The following MCM8 variants were observed in gnomAD, a reference collection of about 807,000 sequenced individuals.
MCM8 encodes minichromosome maintenance 8 homologous recombination repair factor.
Under a neutral mutation model 98.9 loss-of-function variants are expected in MCM8, and 85 were observed. The ratio of observed to expected loss-of-function variants is 0.86; its 90% CI spans 0.72 to 1.03. MCM8 has a LOEUF of 1.03. MCM8 is among the 50% of genes least tolerant of loss of function. The pLI is 0.00. For missense variants in MCM8, 951 were observed against 997.8 expected (o/e 0.95, Z 0.63); for synonymous variants, 352 against 338.6 (o/e 1.04, Z -0.44).
intron 7 of MCM8, among the ~76,000 whole-genome samples, chr20:5,962,095 G>A (rs1231598473): frequency 6.6e-6 from 1 of 152,214 alleles, no homozygotes; most frequent in Non-Finnish European, 1.5e-5. Flanking sequence ...CTGGGGGCTG[G>A]CCAGGCATCT....
At chr20:5,976,440 G>T (rs541013607) in intron 12 of MCM8, among the ~76,000 whole-genome samples, 1 of 152,112 alleles carries the variant, frequency 6.6e-6, no homozygotes, top group South Asian at 2.1e-4. Context: ...TCTCAGCCCC[G>T]AGGAAGGGGC....
At chr20:5,972,064 A>G in intron 11 of MCM8, 27 bp downstream of exon 11, 1 of 1,581,238 alleles carries the variant, frequency 6.3e-7, no homozygotes, top group Non-Finnish European at 8.7e-7. Context: ...ATCTTTACTC[A>G]AAAAGTATAT....
intron 12 of MCM8, 43 bp from the exon 13 acceptor site, chr20:5,977,833 C>G: frequency 6.2e-7 from 1 of 1,605,198 alleles, no homozygotes; most frequent in Non-Finnish European, 8.5e-7. Context: ...CTATTACTTC[C>G]CTTTTACTTT....
intron 10 of MCM8, among the ~76,000 whole-genome samples, chr20:5,968,853 T>G (rs1001705666): frequency 6.6e-6 from 1 of 152,204 alleles, no homozygotes; most frequent in African/African-American, 2.4e-5. Context: ...GTGTTGCTCA[T>G]AGAGATTCAA....
chr20:5,990,268 G>T (rs1568600492), intron 17 of MCM8, among the ~76,000 whole-genome samples: 1 of 152,080 alleles, frequency 6.6e-6, no homozygotes, highest in Non-Finnish European at 1.5e-5. Flanking sequence ...GTAGAGACGG[G>T]GTTTTGCCAA....
At chr20:5,986,164 G>A in intron 16 of MCM8, 33 bp downstream of exon 16, 1 of 1,599,422 alleles carries the variant, frequency 6.3e-7, no homozygotes, top group Non-Finnish European at 8.6e-7. Context: ...GCTTTTTTTG[G>A]CTTAAAGGGG....
At position 5,981,387 on chromosome 20, in the gene MCM8, CAGGCTA is replaced by C. The variant is rs113307418; in HGVS notation, c.1538-1581_1538-1576del. Reference sequence around the variant, plus strand: ...AGAGCTCCACATTGAACAGCAGGAACAGGCTAATGCACTGGGATCCCCTGCCATGAA... The same window carrying C: ...AGAGCTCCACATTGAACAGCAGGAACATGCACTGGGATCCCCTGCCATGAA... On this transcript the variant is annotated intron_variant, in intron 13 of 18. Transcript: ENST00000610722. Among the ~76,000 whole-genome samples the C allele has an allele frequency of 0.014, 2,110 of 152,274 alleles. 153 individuals are homozygous for C. In the East Asian group the frequency reaches 0.23, roughly 17 times the overall value.
intron 12 of MCM8, among the ~76,000 whole-genome samples, chr20:5,974,614 C>A (rs114812873): frequency 1.5e-4 from 23 of 152,278 alleles, no homozygotes; most frequent in African/African-American, 4.8e-4. Flanking sequence ...CCACTGCAAG[C>A]CAATTGAGTT....
intron 8 of MCM8, among the ~76,000 whole-genome samples, chr20:5,966,602 A>G (rs2089279164): frequency 6.6e-6 from 1 of 152,190 alleles, no homozygotes; most frequent in African/African-American, 2.4e-5. Flanking sequence ...CTGATGAGGA[A>G]TGAGAAAGTA....
chr20:5,978,057 T>C (rs199995085), intron 13 of MCM8, 40 bp downstream of exon 13: 17 of 1,607,080 alleles, frequency 1.1e-5, no homozygotes, highest in Non-Finnish European at 1.4e-5. Flanking sequence ...TCTGGGACTT[T>C]TTGAAAAGCC....
At position 5,994,871 on chromosome 20, in the gene MCM8, T is replaced by TC. The variant is rs2089933018; in HGVS notation, c.*481dup. ...TTACAGTGAGCCACAATCACACCAATCACTGCACTCCAGCCTGGGCAATAA... is the reference window on the plus strand; with the variant it reads ...TTACAGTGAGCCACAATCACACCAATCCACTGCACTCCAGCCTGGGCAATAA... On this transcript the variant is annotated 3_prime_UTR_variant, in exon 19 of 19. Coordinates refer to ENST00000610722, the MANE Select transcript of MCM8 (RefSeq NM_032485.6). The TC allele has an allele frequency of 3.4e-6, 1 of 293,756 alleles. No homozygotes were observed. Among genetic ancestry groups the TC allele is most frequent in the African/African-American group, 2.2e-5 (1 of 44,778 alleles). 18.2% of individuals were successfully genotyped at this position (293,756 alleles called of 1,614,324 possible). A position where few individuals can be genotyped will look rare whatever the true frequency, so the allele number is the denominator to read the frequency against.
At chr20:5,955,286 C>T (rs1241636427) in intron 5 of MCM8, 35 bp downstream of exon 5, 2 of 1,595,356 alleles carry the variant, frequency 1.3e-6, no homozygotes, top group Non-Finnish European at 1.7e-6. Context: ...TTTGTCTAAA[C>T]TTTTTTAATG....
intron 8 of MCM8, among the ~76,000 whole-genome samples, chr20:5,966,026 T>G (rs2089268084): frequency 6.6e-6 from 1 of 152,158 alleles, no homozygotes; most frequent in Admixed American, 6.6e-5. Context: ...GGTAAAAAGT[T>G]CTAAGCCCTT....
intron 3 of MCM8, among the ~76,000 whole-genome samples, chr20:5,953,505 G>T (rs1418592217): frequency 6.7e-6 from 1 of 149,256 alleles, no homozygotes; most frequent in Non-Finnish European, 1.5e-5. Context: ...ATGGAGTCTT[G>T]CTCTGTTGCC....
At chr20:5,959,081 AG>A (rs1482249308) in intron 7 of MCM8, among the ~76,000 whole-genome samples, 9 of 152,260 alleles carry the variant, frequency 5.9e-5, no homozygotes, top group Non-Finnish European at 8.8e-5. Flanking sequence ...GTTGACTTCT[AG>A]GTATACACAC....
intron 7 of MCM8, among the ~76,000 whole-genome samples, chr20:5,959,667 G>A (rs993301088): frequency 4.0e-5 from 6 of 149,990 alleles, no homozygotes; most frequent in Admixed American, 2.7e-4. Flanking sequence ...CCTTAGCAGA[G>A]GAATACTAAG....
intron 12 of MCM8, among the ~76,000 whole-genome samples, chr20:5,977,085 C>T (rs1184517636): frequency 3.9e-5 from 6 of 152,154 alleles, no homozygotes; most frequent in Admixed American, 2.0e-4. Context: ...TAAGGTTTCT[C>T]AGAAAGACTA....
At chr20:5,992,552 T>G (rs546354791) in intron 17 of MCM8, among the ~76,000 whole-genome samples, 1 of 152,228 alleles carries the variant, frequency 6.6e-6, no homozygotes, top group South Asian at 2.1e-4. Context: ...GAGATTATGC[T>G]GTATTTCAGA....
intron 17 of MCM8, among the ~76,000 whole-genome samples, chr20:5,987,568 G>A (rs1672134106): frequency 6.6e-6 from 1 of 152,026 alleles, no homozygotes; most frequent in African/African-American, 2.4e-5. Context: ...CATTTACATA[G>A]TGCTAAAATC....
Sources: allele counts gnomAD v4.1 joint callset (sites outside exome capture counted in the v4.1 genomes callset), GRCh38; gene constraint gnomAD v4.1.1; transcripts MANE v1.5; gene names NCBI Gene and HGNC (gene_info 2026-07-23, HGNC 2026-07-21).